ALKBH3: variants seen among roughly 807,000 people sequenced by gnomAD.
ALKBH3 encodes alkB homolog 3, alpha-ketoglutarate dependent dioxygenase.
A neutral mutation model predicts 43.9 loss-of-function variants in ALKBH3; 51 were observed. The ratio of observed to expected loss-of-function variants is 1.16; its 90% CI spans 0.93 to 1.47. The LOEUF is 1.47. Ranked by LOEUF, ALKBH3 falls within the 40% of genes most tolerant of loss-of-function variation. The pLI is 0.00. For missense variants in ALKBH3, 361 were observed against 351.9 expected (o/e 1.03, Z -0.21); for synonymous variants, 102 against 115.2 (o/e 0.89, Z 0.73).
intron 8 of ALKBH3, chr11:43,910,553 A>G (rs1209566066): frequency 6.6e-6 from 1 of 152,224 alleles, no homozygotes; most frequent in African/African-American, 2.4e-5. Flanking sequence ...TCTTTCAGAA[A>G]AACTCCACAC....
intron 6 of ALKBH3, among the ~76,000 whole-genome samples, chr11:43,891,031 T>C (rs1951780062): frequency 6.6e-6 from 1 of 152,240 alleles, no homozygotes; most frequent in Non-Finnish European, 1.5e-5. Flanking sequence ...AATTTTTATA[T>C]ATTTTTTGAG....
chr11:43,900,583 TATC>T (rs1195915210), intron 7 of ALKBH3, among the ~76,000 whole-genome samples: 2 of 152,178 alleles, frequency 1.3e-5, no homozygotes, highest in Non-Finnish European at 2.9e-5. Context: ...TAATTTTAAA[TATC>T]ATAAAAACTG....
chr11:43,898,423 C>T, intron 7 of ALKBH3: 6 of 728,656 alleles, frequency 8.2e-6, no homozygotes, highest in Admixed American at 7.9e-5. Flanking sequence ...GGGAGGCTGG[C>T]ATCATCACGA....
At chr11:43,919,459 CTT>C (rs1436607956) in intron 9 of ALKBH3, 1 of 327,538 alleles carries the variant, frequency 3.1e-6, no homozygotes, top group Non-Finnish European at 5.5e-6. Flanking sequence ...TTTTAATTAA[CTT>C]AAATTTAAAT....
At chr11:43,916,619 A>T (rs987071399) in intron 8 of ALKBH3, 4 of 152,202 alleles carry the variant, frequency 2.6e-5, no homozygotes, top group Non-Finnish European at 4.4e-5. Context: ...GTGTTTGGGT[A>T]ACTTAACCAC....
In ALKBH3 at chr11:43,882,637, A is replaced by T; in HGVS notation, c.-16A>T. The T allele has an allele frequency of 6.2e-7, 1 of 1,608,964 alleles. No homozygotes were observed. The highest frequency in any genetic ancestry group is 8.5e-7 in the Non-Finnish European group (1 of 1,178,528). ...AAATCTTCTGAAAGCTCGGAGCAGA[A>T]GCCTTTTTGGTCAACATGGAGGAAA... On this transcript the variant is annotated 5_prime_UTR_variant, in exon 2 of 10. The change creates a new upstream start codon in the 5' untranslated region. Coordinates refer to ENST00000302708, the MANE Select transcript of ALKBH3 (RefSeq NM_139178.4).
intron 7 of ALKBH3, among the ~76,000 whole-genome samples, chr11:43,900,848 G>C (rs990779575): frequency 3.3e-5 from 5 of 152,218 alleles, no homozygotes; most frequent in African/African-American, 1.2e-4. Flanking sequence ...TGAACCCAGT[G>C]CCCAGGAGGC....
chr11:43,882,770 G>T, intron 2 of ALKBH3, 39 bp downstream of exon 2: 2 of 1,560,324 alleles, frequency 1.3e-6, no homozygotes, highest in Non-Finnish European at 1.7e-6. Flanking sequence ...TGTGGATATG[G>T]ACAACTCTCA....
intron 7 of ALKBH3, chr11:43,898,700 G>C (rs1293246198): frequency 1.4e-6 from 1 of 716,794 alleles, no homozygotes; most frequent in East Asian, 2.5e-5. Context: ...GTGAAGGCCA[G>C]TTACCCTAAG....
chr11:43,914,485 G>GA (rs1207567393), intron 8 of ALKBH3, among the ~76,000 whole-genome samples: 4 of 150,814 alleles, frequency 2.7e-5, no homozygotes, highest in African/African-American at 7.3e-5. Flanking sequence ...AAGAAGCATG[G>GA]AAAAAAAAGA....
At chr11:43,906,659 G>T (rs1233226388) in intron 8 of ALKBH3, among the ~76,000 whole-genome samples, 1 of 151,864 alleles carries the variant, frequency 6.6e-6, no homozygotes, top group African/African-American at 2.4e-5. Flanking sequence ...GACCAGCCTG[G>T]GTAACAGTGA....
At chr11:43,887,447 A>G (rs1951753837) in intron 5 of ALKBH3, among the ~76,000 whole-genome samples, 1 of 152,094 alleles carries the variant, frequency 6.6e-6, no homozygotes. Flanking sequence ...AGCTGGGATT[A>G]CAGGCATGTG....
intron 2 of ALKBH3, 36 bp from the exon 3 acceptor site, chr11:43,883,049 T>TCCC (rs1158196767): frequency 4.5e-6 from 7 of 1,565,472 alleles, no homozygotes; most frequent in African/African-American, 1.4e-5. Flanking sequence ...GAACAGACTT[T>TCCC]CCCCTGGTTT....
intron 7 of ALKBH3, among the ~76,000 whole-genome samples, chr11:43,901,310 A>G (rs955203552): frequency 1.3e-5 from 2 of 152,274 alleles, no homozygotes; most frequent in African/African-American, 4.8e-5. Context: ...AAAATTGCAG[A>G]GATCAACTTG....
chr11:43,884,143 T>C, intron 4 of ALKBH3, 126 bp downstream of exon 4: 6 of 1,102,216 alleles, frequency 5.4e-6, no homozygotes, highest in Non-Finnish European at 8.0e-6. Flanking sequence ...TAGTCTGGGA[T>C]ATTCCCATCT....
chr11:43,899,736 G>T, intron 7 of ALKBH3: 1 of 272,342 alleles, frequency 3.7e-6, no homozygotes, highest in Non-Finnish European at 7.0e-6. Flanking sequence ...TTGGCAGGTA[G>T]TTTTAACTCT....
chr11:43,883,200 G>C lies in ALKBH3; in HGVS notation c.183+12G>C, dbSNP rs762790672. ...AAGAACCTCAGCAGGTAAATTCATG[G>C]TTTTTTCTTCAATAGTGATAAAAAT... On this transcript the variant is annotated intron_variant, in intron 3 of 9. Transcript: ENST00000302708. The C allele has an allele frequency of 6.2e-7, 1 of 1,602,748 alleles. No homozygotes were observed. Among genetic ancestry groups the C allele is most frequent in the African/African-American group, 1.3e-5 (1 of 74,726 alleles).
chr11:43,891,319 T>C (rs1951782230), intron 6 of ALKBH3, among the ~76,000 whole-genome samples: 1 of 151,772 alleles, frequency 6.6e-6, no homozygotes, highest in Non-Finnish European at 1.5e-5. Context: ...CTGGTTTTCT[T>C]ATCAGTAAAA....
At chr11:43,898,409 A>G in intron 7 of ALKBH3, 2 of 715,970 alleles carry the variant, frequency 2.8e-6, no homozygotes, top group Non-Finnish European at 5.1e-6. Flanking sequence ...CAGAATTACT[A>G]CACGGGAGGC....
Sources: gnomAD v4.1 joint callset for allele counts (sites outside exome capture counted in the v4.1 genomes callset) on GRCh38, gnomAD v4.1.1 for gene constraint, MANE v1.5 for transcripts, NCBI Gene and HGNC (gene_info 2026-07-23, HGNC 2026-07-21) for gene names.